Variants in BTBD18 observed in about 807,000 individuals in gnomAD.
The protein encoded by BTBD18 is BTB domain containing 18.
For missense variants in BTBD18, 787 were observed against 846.3 expected, an observed-to-expected ratio of 0.93 and a Z score of 0.87; for synonymous variants, 311 against 324.4, an observed-to-expected ratio of 0.96 and a Z score of 0.44.
At position 57,745,062 on chromosome 11, in the gene BTBD18, C is replaced by T. The variant is rs1448277553; in HGVS notation, c.1211G>A (p.Ser404Asn). Reference sequence around the variant, plus strand: ...AGTAGGTGACATTTCCTGCTCATTACTGGAGAATGGCTGAGTTCCTGAAGG... The same window carrying T: ...AGTAGGTGACATTTCCTGCTCATTATTGGAGAATGGCTGAGTTCCTGAAGG... ...QEPSGTQPFSSNEQEMSPTRT... is the reference protein window; with the variant it reads ...QEPSGTQPFSNNEQEMSPTRT... The change falls in exon 3 of 3, where the codon AGT (serine) becomes AAT (asparagine). Residue 404 changes from serine to asparagine, a missense_variant. Coordinates refer to ENST00000422652, the MANE Select transcript of BTBD18 (RefSeq NM_001145101.3). 1 of 1,551,692 alleles carries T rather than the reference C, an allele frequency of 6.4e-7. No individual in the cohort carries two copies. Among genetic ancestry groups the T allele is most frequent in the Admixed American group, 2.0e-5 (1 of 51,010 alleles).
chr11:57,747,680 G>C (rs1295950810), intron 2 of BTBD18, among the ~76,000 whole-genome samples: 1 of 151,958 alleles, frequency 6.6e-6, no homozygotes, highest in Non-Finnish European at 1.5e-5. Flanking sequence ...TGTATTTTTA[G>C]TAGAGACAGG....
At chr11:57,752,057 C>A (rs1056549342), upstream of BTBD18, among the ~76,000 whole-genome samples, 1 of 152,168 alleles carries the variant, frequency 6.6e-6, no homozygotes, top group Non-Finnish European at 1.5e-5. Context: ...CATTTTACCC[C>A]TCCCAAAACA....
chr11:57,745,105 C>T lies in BTBD18; in HGVS notation c.1168G>A (p.Gly390Arg), dbSNP rs1433272019. The change falls in exon 3 of 3, where the codon GGA (glycine) becomes AGA (arginine). Residue 390 changes from glycine (G) to arginine (R), a missense_variant. By Grantham distance (125) the Gly-to-Arg change is moderately radical. Transcript: ENST00000422652. Reference protein sequence around the residue: ...TQDSPQIPDPGGDFQEPSGTQ... With the variant: ...TQDSPQIPDPRGDFQEPSGTQ... ...CCTGAAGGCTCTTGGAAGTCTCCTCCGGGATCTGGGATCTGGGGGCTATCT... is the reference window on the plus strand; with the variant it reads ...CCTGAAGGCTCTTGGAAGTCTCCTCTGGGATCTGGGATCTGGGGGCTATCT... 40 of 1,551,536 alleles carry T rather than the reference C, an allele frequency of 2.6e-5. No homozygotes were observed. The highest frequency in any genetic ancestry group is 3.0e-5 in the Non-Finnish European group (34 of 1,146,990).
upstream of BTBD18, among the ~76,000 whole-genome samples, chr11:57,752,500 G>A (rs991989068): frequency 6.6e-6 from 1 of 151,864 alleles, no homozygotes; most frequent in Non-Finnish European, 1.5e-5. Flanking sequence ...ACTCCAGCCT[G>A]GGCGACAGAG....
intron 2 of BTBD18, among the ~76,000 whole-genome samples, chr11:57,747,561 C>T (rs958171316): frequency 2.6e-5 from 4 of 152,168 alleles, no homozygotes; most frequent in Non-Finnish European, 5.9e-5. Context: ...GTGGCCCAGG[C>T]TGGAGTGCAA....
In BTBD18 at chr11:57,745,755, G is replaced by A; in HGVS notation, c.518C>T (p.Pro173Leu). The change falls in exon 3 of 3, where the codon CCT (proline) becomes CTT (leucine). Residue 173 changes from proline to leucine, a missense_variant. Physicochemically the swap from Pro to Leu is moderately conservative, Grantham distance 98. Transcript: ENST00000422652. The stretch of plus-strand genomic sequence containing the variant: ...CAATCTTATTGCCCCAAGAGGACAA[G>A]GAGTTTGATTAGTGGGCAGTGGGGT... ...PHTPLPTNQT[P>L]CPLGAIRLKS... The A allele has an allele frequency of 6.4e-7, 1 of 1,551,650 alleles. No individual in the cohort carries two copies. Among genetic ancestry groups the A allele is most frequent in the South Asian group, 1.2e-5 (1 of 84,050 alleles).
In BTBD18 at chr11:57,745,185, A is replaced by G. The variant is rs1411077573; in HGVS notation, c.1088T>C (p.Ile363Thr). 3 of 1,551,482 alleles carry G rather than the reference A, an allele frequency of 1.9e-6. No homozygotes were observed. The highest frequency in any genetic ancestry group is 1.7e-4 in the Middle Eastern group (1 of 6,012). The change falls in exon 3 of 3, where the codon ATT becomes ACT. Residue 363 changes from isoleucine to threonine, a missense_variant. Transcript: ENST00000422652. ...GQVGRVKLRK[I>T]VNGTCWEVVQ... ...CACTTCCCAGCAAGTCCCATTGACA[A>G]TCTTCCTAAGTTTAACTCTCCCAAC...
At chr11:57,748,989 C>T (rs1266583616) in intron 2 of BTBD18, among the ~76,000 whole-genome samples, 1 of 152,152 alleles carries the variant, frequency 6.6e-6, no homozygotes, top group Non-Finnish European at 1.5e-5. Context: ...CATCTCTGAA[C>T]CTGTATACGT....
At chr11:57,748,833 T>C (rs1460783798) in intron 2 of BTBD18, among the ~76,000 whole-genome samples, 2 of 152,226 alleles carry the variant, frequency 1.3e-5, no homozygotes, top group African/African-American at 4.8e-5. Context: ...TGCGTAAAAC[T>C]GTTCAGTATG....
Position 57,744,420 on chromosome 11 carries a change from G to A in BTBD18, c.1853C>T (p.Thr618Ile). The change falls in exon 3 of 3, where the codon ACT becomes ATT. Residue 618 changes from threonine (T) to isoleucine (I), a missense_variant. Transcript: ENST00000422652. ...GAGGTCCCCATAAGACCTCTGGGGA[G>A]TATCAAGGGAGCTGACATGGAGAAG... ...DKLLHVSSLD[T>I]PQRSYGDLSP... The A allele has an allele frequency of 6.4e-7, 1 of 1,551,676 alleles. No homozygotes were observed. The highest frequency in any genetic ancestry group is 8.7e-7 in the Non-Finnish European group (1 of 1,146,982).
chr11:57,752,224 G>T (rs1949325862), upstream of BTBD18, among the ~76,000 whole-genome samples: 1 of 152,166 alleles, frequency 6.6e-6, no homozygotes, highest in African/African-American at 2.4e-5. Flanking sequence ...AAAGAAGAAT[G>T]AAAAGGTAAA....
chr11:57,749,442 A>T (rs1289906612), intron 2 of BTBD18, among the ~76,000 whole-genome samples: 1 of 152,180 alleles, frequency 6.6e-6, no homozygotes, highest in African/African-American at 2.4e-5. Flanking sequence ...CTTCTCTTAC[A>T]AGACTGTTAG....
intron 2 of BTBD18, among the ~76,000 whole-genome samples, 183 bp from the exon 3 acceptor site, chr11:57,746,331 AT>A (rs35886239): frequency 0.86 from 98,988 of 115,426 alleles, 42,621 homozygotes; most frequent in East Asian, 0.94. Flanking sequence ...TTGCCTAGCT[AT>A]TTTTTTTTTT....
rs1161502480 is a variant in BTBD18 at position 57,744,235 on chromosome 11, C to T, written c.2038G>A (p.Val680Met). Residue 680 changes from valine to methionine, a missense_variant, in exon 3 of 3, where the codon GTG (valine) becomes ATG (methionine). By Grantham distance (21) the Val-to-Met change is conservative. Coordinates refer to ENST00000422652, the MANE Select transcript of BTBD18 (RefSeq NM_001145101.3). ...ASSEEEEIDV[V>M]DWTAEGRLVP... is the part of the protein sequence containing the mutation. ...AGCCTCCCCTCTGCTGTCCAGTCCA[C>T]CACATCAATCTCTTCCTCTTCAGAG... The T allele has an allele frequency of 1.9e-6, 3 of 1,551,728 alleles. No homozygotes were observed. The highest frequency in any genetic ancestry group is 2.6e-6 in the Non-Finnish European group (3 of 1,146,986).
chr11:57,744,285 T>G lies in BTBD18; in HGVS notation c.1988A>C (p.Glu663Ala). 6.4e-7 allele frequency: 1 copy of G among 1,551,658 alleles called. No individual in the cohort carries two copies. ...KAGKEVSGHS[E>A]LLGSLPASSE... is the part of the protein sequence containing the mutation. ...GCTGGCAGGAAGTGAGCCTAGTAGT[T>G]CAGAGTGACCAGATACCTCCTTGCC... The change falls in exon 3 of 3, where the codon GAA becomes GCA. Residue 663 changes from glutamate (E) to alanine (A), a missense_variant. By Grantham distance (107) the Glu-to-Ala change is moderately radical. Coordinates refer to ENST00000422652, the MANE Select transcript of BTBD18 (RefSeq NM_001145101.3).
At chr11:57,750,349 C>T (rs1253029625) in intron 2 of BTBD18, among the ~76,000 whole-genome samples, 1 of 151,844 alleles carries the variant, frequency 6.6e-6, no homozygotes, top group Non-Finnish European at 1.5e-5. Context: ...TGCACTCCAG[C>T]CTGGGAGACA....
Position 57,744,796 on chromosome 11 carries a change from C to T in BTBD18, c.1477G>A (p.Glu493Lys). ...YRITSAAATS[E>K]LEEILDFMLC... Reference sequence around the variant, plus strand: ...ATGAAGTCCAGGATCTCCTCCAGCTCACTGGTGGCAGCAGCACTTGTGATT... The same window carrying T: ...ATGAAGTCCAGGATCTCCTCCAGCTTACTGGTGGCAGCAGCACTTGTGATT... The change falls in exon 3 of 3, where the codon GAG becomes AAG. Residue 493 changes from glutamate (E) to lysine (K), a missense_variant. By Grantham distance (56) the Glu-to-Lys change is moderately conservative. Coordinates refer to ENST00000422652, the MANE Select transcript of BTBD18 (RefSeq NM_001145101.3). The T allele has an allele frequency of 3.9e-6, 6 of 1,551,756 alleles. No individual in the cohort carries two copies. The highest frequency in any genetic ancestry group is 3.5e-6 in the Non-Finnish European group (4 of 1,147,008).
intron 2 of BTBD18, among the ~76,000 whole-genome samples, chr11:57,747,265 C>T (rs978320536): frequency 6.6e-6 from 1 of 152,192 alleles, no homozygotes; most frequent in Non-Finnish European, 1.5e-5. Flanking sequence ...ATACCTCTGC[C>T]TAGATCTCTT....
Position 57,751,071 on chromosome 11 carries a change from C to T in BTBD18, c.118G>A (p.Ala40Thr). The T allele has an allele frequency of 4.6e-6, 7 of 1,536,366 alleles. No individual in the cohort carries two copies. Among genetic ancestry groups the T allele is most frequent in the Non-Finnish European group, 6.1e-6 (7 of 1,141,994 alleles). The part of the protein sequence containing the change: ...SDVFCDVLLQ[A>T]EGEAVPAHCC... ...ATTCCGACCACTCTCTTACCTTCTG[C>T]CTGCAGAAGGACATCACAGAACACA... The change falls in exon 2 of 3, where the codon GCA (alanine) becomes ACA (threonine). Residue 40 changes from alanine (A) to threonine (T), a missense_variant. Ala to Thr is a moderately conservative substitution (Grantham distance 58). Transcript: ENST00000422652.
Sources: gnomAD v4.1 joint callset for allele counts (sites outside exome capture counted in the v4.1 genomes callset) on GRCh38, gnomAD v4.1.1 for gene constraint, MANE v1.5 for transcripts, NCBI Gene and HGNC (gene_info 2026-07-23, HGNC 2026-07-21) for gene names.